SORCS2: variants seen among roughly 807,000 people sequenced by gnomAD.
SORCS2 encodes VPS10 domain-containing receptor SorCS2.
A neutral mutation model predicts 141.6 loss-of-function variants in SORCS2; 100 were observed. The ratio of observed to expected loss-of-function variants is 0.71; its 90% CI spans 0.60 to 0.83. The LOEUF (loss-of-function observed/expected upper bound fraction) is 0.83, where lower values mean the gene tolerates loss of function less well. Ranked by LOEUF, SORCS2 falls within the 40% of genes least tolerant of loss-of-function variation. The probability of loss-of-function intolerance (pLI) is 0.00; values close to 1 mark genes in which losing one functional copy is unlikely to be tolerated. For synonymous variants in SORCS2, 789 were observed against 676.9 expected (o/e 1.17, Z -2.57); for missense variants, 1,646 against 1,560.2 (o/e 1.05, Z -0.93).
At chr4:7,662,731 C>G (rs575500224) in intron 6 of SORCS2, among the ~76,000 whole-genome samples, 1 of 152,352 alleles carries the variant, frequency 6.6e-6, no homozygotes, top group Admixed American at 6.5e-5. Flanking sequence ...GTCCACAGCT[C>G]TTTTCAACTC....
chr4:7,346,692 G>T (rs1440550006), intron 1 of SORCS2, among the ~76,000 whole-genome samples: 2 of 152,298 alleles, frequency 1.3e-5, no homozygotes, highest in East Asian at 1.9e-4. Context: ...TGTCAGTTTT[G>T]CTTCATGTAC....
At chr4:7,735,161 T>G (rs1264071865) in intron 25 of SORCS2, among the ~76,000 whole-genome samples, 1 of 152,212 alleles carries the variant, frequency 6.6e-6, no homozygotes, top group Admixed American at 6.5e-5. Context: ...GCTCCCAGAT[T>G]TGGCCCTATT....
chr4:7,569,298 G>C (rs187278590), intron 3 of SORCS2, among the ~76,000 whole-genome samples: 4 of 152,292 alleles, frequency 2.6e-5, no homozygotes, highest in African/African-American at 9.6e-5. Context: ...AGATCACAAG[G>C]TCAGGAGTTT....
chr4:7,384,932 G>A (rs1345258103), intron 1 of SORCS2, among the ~76,000 whole-genome samples: 2 of 152,248 alleles, frequency 1.3e-5, no homozygotes, highest in Admixed American at 1.3e-4. Context: ...CGCCGGCTCA[G>A]CTTCAGCAGA....
rs869092306 is a variant in SORCS2 at position 7,648,209 on chromosome 4, GGA to G, written c.814-5923_814-5922del. On this transcript the variant is annotated intron_variant, in intron 4 of 26. Coordinates refer to ENST00000507866, the MANE Select transcript of SORCS2 (RefSeq NM_020777.3). This position sits in a 1 kb window ranked among gnomAD's most constrained non-coding sequence, Gnocchi z 4.2. ...CCGCAGAGGAGGAGGAGGAGGAGGA[GGA>G]GGAAGACACGGAGGCTGGAGGAGCA... Among the ~76,000 whole-genome samples, 2 of 149,432 alleles carry G rather than the reference GGA, an allele frequency of 1.3e-5. No homozygotes were observed. Among genetic ancestry groups the G allele is most frequent in the Non-Finnish European group, 3.0e-5 (2 of 66,398 alleles).
At chr4:7,583,163 T>C (rs1716273552) in intron 3 of SORCS2, among the ~76,000 whole-genome samples, 1 of 152,120 alleles carries the variant, frequency 6.6e-6, no homozygotes, top group Non-Finnish European at 1.5e-5. Flanking sequence ...TGCAAAAAGT[T>C]CTAGTACTTT....
At chr4:7,412,541 T>G (rs1430408545) in intron 2 of SORCS2, among the ~76,000 whole-genome samples, 6 of 152,124 alleles carry the variant, frequency 3.9e-5, no homozygotes, top group Non-Finnish European at 8.8e-5. Flanking sequence ...GGGGGACAGA[T>G]GCTCAGTGGA....
intron 18 of SORCS2, 70 bp from the exon 19 acceptor site, chr4:7,723,627 G>A: frequency 1.3e-6 from 2 of 1,530,098 alleles, no homozygotes; most frequent in Non-Finnish European, 1.8e-6. Context: ...GAGTGAGTGA[G>A]TGAATGAACC....
chr4:7,642,143 C>T (rs1166024125), intron 4 of SORCS2, among the ~76,000 whole-genome samples: 2 of 152,216 alleles, frequency 1.3e-5, no homozygotes, highest in Admixed American at 1.3e-4. Flanking sequence ...TCCTGGCTGT[C>T]CTTTGCCATG....
At chr4:7,609,656 G>T (rs1718280135) in intron 3 of SORCS2, among the ~76,000 whole-genome samples, 1 of 152,260 alleles carries the variant, frequency 6.6e-6, no homozygotes, top group Admixed American at 6.5e-5. Context: ...AGAATGGAAG[G>T]GTCCCAGGGC....
chr4:7,241,900 T>C (rs1712726439), intron 1 of SORCS2, among the ~76,000 whole-genome samples: 1 of 152,228 alleles, frequency 6.6e-6, no homozygotes, highest in Non-Finnish European at 1.5e-5. Flanking sequence ...CTGACGGTGT[T>C]GAGCGTCTAC....
intron 3 of SORCS2, among the ~76,000 whole-genome samples, chr4:7,629,731 C>T (rs964770958): frequency 3.3e-5 from 5 of 152,006 alleles, no homozygotes; most frequent in Admixed American, 2.6e-4. Context: ...TGCAGATTTC[C>T]TCTCCGAGCC....
chr4:7,361,416 G>T (rs750519643), intron 1 of SORCS2, among the ~76,000 whole-genome samples: 1 of 152,194 alleles, frequency 6.6e-6, no homozygotes, highest in South Asian at 2.1e-4. Flanking sequence ...TACAGCTGTT[G>T]CCCAAATTAG....
chr4:7,439,682 C>T (rs372470943), intron 2 of SORCS2, among the ~76,000 whole-genome samples: 111 of 152,300 alleles, frequency 7.3e-4, no homozygotes, highest in African/African-American at 2.5e-3. Context: ...CTGCCTCTTT[C>T]GCTTGATGTT....
intron 1 of SORCS2, among the ~76,000 whole-genome samples, chr4:7,306,397 G>A (rs1278975422): frequency 6.6e-6 from 1 of 152,166 alleles, no homozygotes; most frequent in Non-Finnish European, 1.5e-5. Flanking sequence ...GTCTGAAGGA[G>A]CCAGAACAGA....
At chr4:7,209,146 G>A (rs1727913013) in intron 1 of SORCS2, among the ~76,000 whole-genome samples, 1 of 152,222 alleles carries the variant, frequency 6.6e-6, no homozygotes, top group Admixed American at 6.5e-5. Context: ...TTGTAGATGG[G>A]AGCACATCAC....
chr4:7,430,633 A>T (rs1726777069), intron 2 of SORCS2: 1 of 152,158 alleles, frequency 6.6e-6, no homozygotes, highest in African/African-American at 2.4e-5. Flanking sequence ...CCAGGCAGAG[A>T]TGCTCCTCTG....
intron 2 of SORCS2, among the ~76,000 whole-genome samples, chr4:7,406,179 A>C (rs948893985): frequency 7.0e-6 from 1 of 143,540 alleles, no homozygotes. Context: ...ATCATTATTC[A>C]TATTGACCTG....
chr4:7,299,026 C>T (rs1456060836), intron 1 of SORCS2, among the ~76,000 whole-genome samples: 2 of 152,388 alleles, frequency 1.3e-5, no homozygotes, highest in African/African-American at 4.8e-5. Flanking sequence ...ACAAAAGGGC[C>T]GTTCTGGCCC....
Sources: allele counts gnomAD v4.1 joint callset (sites outside exome capture counted in the v4.1 genomes callset), GRCh38; gene constraint gnomAD v4.1.1; non-coding constraint Gnocchi (gnomAD v3.1); transcripts MANE v1.5; gene names NCBI Gene and HGNC (gene_info 2026-07-23, HGNC 2026-07-21).